Variants in KIF5C observed in about 807,000 individuals in gnomAD.
KIF5C encodes the protein kinesin family member 5C.
KIF5C carries 18 observed loss-of-function variants against 125.2 expected under a neutral mutation model. The ratio of observed to expected loss-of-function variants is 0.14; its 90% CI spans 0.10 to 0.21. KIF5C has a LOEUF of 0.21. KIF5C is among the 10% of genes least tolerant of loss of function. The pLI, the probability that KIF5C is intolerant of heterozygous loss-of-function variation, is 1.00. For synonymous variants in KIF5C, 405 were observed against 434.0 expected (o/e 0.93, Z 0.83); for missense variants, 780 against 1,183.8 (o/e 0.66, Z 5.01).
At chr2:148,887,308 T>C (rs1443781595) in intron 1 of KIF5C, among the ~76,000 whole-genome samples, 1 of 152,206 alleles carries the variant, frequency 6.6e-6, no homozygotes, top group Non-Finnish European at 1.5e-5. Flanking sequence ...ACATTTGTGG[T>C]TGGCATTGTA....
chr2:148,889,451 G>A (rs1574693617), intron 1 of KIF5C, among the ~76,000 whole-genome samples: 1 of 152,216 alleles, frequency 6.6e-6, no homozygotes. Flanking sequence ...GAAGGACTTG[G>A]AGGGGTTGCT....
rs977070779 is a variant in KIF5C, at chr2:148,884,906, C to T, written c.126+9163C>T. ...TCAGGTGTGGTGGTAGAAGCACACA[C>T]GGGGCCATCAGGGCTAAGCAAGATT... On this transcript the variant is annotated intron_variant, in intron 1 of 25. Coordinates refer to ENST00000435030, the MANE Select transcript of KIF5C (RefSeq NM_004522.3). 3.3e-5 allele frequency among the ~76,000 whole-genome samples: 5 copies of T among 150,852 alleles called. No individual in the cohort carries two copies. In the South Asian group the frequency reaches 6.3e-4, roughly 19 times the overall value.
At chr2:148,982,559 G>C (rs1374833996) in intron 14 of KIF5C, among the ~76,000 whole-genome samples, 1 of 152,206 alleles carries the variant, frequency 6.6e-6, no homozygotes, top group Non-Finnish European at 1.5e-5. Context: ...GCTCCATGGA[G>C]GAAGACTTTT....
At chr2:148,933,371 T>C (rs1296056888) in intron 3 of KIF5C, among the ~76,000 whole-genome samples, 9 of 151,964 alleles carry the variant, frequency 5.9e-5, no homozygotes, top group South Asian at 2.1e-4. Flanking sequence ...TCTGCAAGGG[T>C]CAGTGTAGAA....
Position 149,000,404 on chromosome 2 carries a change from T to G in KIF5C, c.2211-19T>G, listed in dbSNP as rs1176460756. 1 of 1,562,170 alleles carries G rather than the reference T, an allele frequency of 6.4e-7. No homozygotes were observed. Among genetic ancestry groups the G allele is most frequent in the East Asian group, 2.3e-5 (1 of 42,584 alleles). On this transcript the variant is annotated intron_variant, in intron 19 of 25. Transcript: ENST00000435030. ...TTCAGACTGATGTGGAATATATTGC[T>G]TTTTCCTCTCAATTTCAGTTTGAAT...
intron 14 of KIF5C, among the ~76,000 whole-genome samples, chr2:148,982,515 G>A (rs1268332833): frequency 1.3e-5 from 2 of 151,812 alleles, no homozygotes; most frequent in East Asian, 1.9e-4. Context: ...TGACTGTGAG[G>A]CTGACAGGAA....
chr2:148,877,535 C>G (rs1399173203), intron 1 of KIF5C, among the ~76,000 whole-genome samples: 1 of 152,238 alleles, frequency 6.6e-6, no homozygotes, highest in Non-Finnish European at 1.5e-5. Context: ...TATCTGCCTA[C>G]AGCCTGATCT....
At chr2:149,020,738 T>C (rs928660851) in intron 25 of KIF5C, among the ~76,000 whole-genome samples, 1 of 152,178 alleles carries the variant, frequency 6.6e-6, no homozygotes, top group Non-Finnish European at 1.5e-5. Flanking sequence ...GAAATGAACC[T>C]GTGAGAAAGT....
intron 23 of KIF5C, among the ~76,000 whole-genome samples, chr2:149,008,622 G>A (rs911722485): frequency 2.0e-5 from 3 of 152,214 alleles, no homozygotes; most frequent in African/African-American, 7.2e-5. Context: ...GAGTGACAGA[G>A]AGTGATAACT....
At chr2:148,885,021 A>G (rs1397464013) in intron 1 of KIF5C, among the ~76,000 whole-genome samples, 1 of 144,198 alleles carries the variant, frequency 6.9e-6, no homozygotes, top group East Asian at 2.0e-4. Flanking sequence ...CCCAGGCTGG[A>G]GTGCAATGGC....
chr2:148,981,103 TAAC>T (rs975826861), intron 13 of KIF5C, among the ~76,000 whole-genome samples: 2 of 152,258 alleles, frequency 1.3e-5, no homozygotes, highest in African/African-American at 4.8e-5. Flanking sequence ...AGCTTTAAAC[TAAC>T]AACAACAACA....
Position 148,922,154 on chromosome 2 carries a change from C to T in KIF5C, c.144C>T (p.Val48=), listed in dbSNP as rs745375028. The change falls in exon 2 of 26, where the codon GTC becomes GTT. Residue 48 remains valine (V), a synonymous_variant. Transcript: ENST00000435030. The stretch of plus-strand genomic sequence containing the variant: ...TTTTTTAGCAAGGGAAGCCATATGT[C>T]TTCGACAGAGTGCTACCTCCCAACA... ...TVVIGQGKPY[V]FDRVLPPNTT... The T allele has an allele frequency of 6.2e-7, 1 of 1,611,418 alleles. No homozygotes were observed. Among genetic ancestry groups the T allele is most frequent in the Non-Finnish European group, 8.5e-7 (1 of 1,178,612 alleles).
At position 148,899,340 on chromosome 2, in the gene KIF5C, A is replaced by G. The variant is rs547115890; in HGVS notation, c.127-22797A>G. Among the ~76,000 whole-genome samples the G allele has an allele frequency of 9.2e-5, 14 of 152,354 alleles. No homozygotes were observed. The South Asian group carries it at 2.9e-3, about 32-fold the overall frequency. ...AACGAAAATGGAACAGGTGAAGTAA[A>G]GCAAATTAAAGAGATTTATTTTATT... On this transcript the variant is annotated intron_variant, in intron 1 of 25. Transcript: ENST00000435030.
intron 3 of KIF5C, among the ~76,000 whole-genome samples, chr2:148,930,450 G>A (rs1338666189): frequency 2.6e-5 from 4 of 152,060 alleles, no homozygotes; most frequent in African/African-American, 7.2e-5. Flanking sequence ...ATAAGAAACT[G>A]CACAGAGGAA....
At chr2:148,925,033 G>C (rs1558897500) in intron 2 of KIF5C, among the ~76,000 whole-genome samples, 1 of 152,162 alleles carries the variant, frequency 6.6e-6, no homozygotes, top group Non-Finnish European at 1.5e-5. Context: ...ACTTTAGAAA[G>C]GGTGTATGCA....
At chr2:148,993,725 G>A (rs1681588192) in intron 16 of KIF5C, among the ~76,000 whole-genome samples, 1 of 152,220 alleles carries the variant, frequency 6.6e-6, no homozygotes, top group Non-Finnish European at 1.5e-5. Context: ...CTGCCTAGAA[G>A]TTACCACTGT....
chr2:148,910,500 C>A (rs1681290554), intron 1 of KIF5C, among the ~76,000 whole-genome samples: 1 of 152,202 alleles, frequency 6.6e-6, no homozygotes, highest in African/African-American at 2.4e-5. Flanking sequence ...TCACCCCAGT[C>A]TCTAACTCTG....
In KIF5C at chr2:149,000,442, C is replaced by T. The variant is rs1681814884; in HGVS notation, c.2230C>T (p.Leu744=). Residue 744 remains leucine, a synonymous_variant, in exon 20 of 26, where the codon CTG becomes TTG. Transcript: ENST00000435030. The part of the protein sequence containing the change: ...EIRDLNQKLQ[L]EQEKLSSDYN... ...TTTCAGTTTGAATCAGAAACTGCAACTGGAACAGGAGAAGCTTAGTTCTGA... is the reference window on the plus strand; with the variant it reads ...TTTCAGTTTGAATCAGAAACTGCAATTGGAACAGGAGAAGCTTAGTTCTGA... 6.3e-7 allele frequency: 1 copy of T among 1,584,538 alleles called. No individual in the cohort carries two copies. Among genetic ancestry groups the T allele is most frequent in the African/African-American group, 1.3e-5 (1 of 74,450 alleles).
At chr2:148,992,823 A>G (rs1199227163) in intron 16 of KIF5C, among the ~76,000 whole-genome samples, 2 of 152,234 alleles carry the variant, frequency 1.3e-5, no homozygotes, top group Non-Finnish European at 2.9e-5. Flanking sequence ...AATAAAAATG[A>G]TATGCATTAG....
Sources: gnomAD v4.1 joint callset for allele counts (sites outside exome capture counted in the v4.1 genomes callset) on GRCh38, gnomAD v4.1.1 for gene constraint, MANE v1.5 for transcripts, NCBI Gene and HGNC (gene_info 2026-07-23, HGNC 2026-07-21) for gene names.